Variants in MAP7 observed in about 807,000 individuals in gnomAD.
MAP7 encodes microtubule associated protein 7, also known as ensconsin.
MAP7 carries 52 observed loss-of-function variants against 94.8 expected under a neutral mutation model. The ratio of observed to expected loss-of-function variants is 0.55; its 90% CI spans 0.44 to 0.69. The LOEUF is 0.69. Ranked by LOEUF, MAP7 falls within the 30% of genes least tolerant of loss-of-function variation. MAP7 has a pLI of 0.00. For missense variants in MAP7, 940 were observed against 964.6 expected, an observed-to-expected ratio of 0.97 and a Z score of 0.34; for synonymous variants, 350 against 357.0, an observed-to-expected ratio of 0.98 and a Z score of 0.22.
chr6:136,447,339 C>T (rs1304383536), intron 1 of MAP7, among the ~76,000 whole-genome samples: 1 of 152,238 alleles, frequency 6.6e-6, no homozygotes, highest in Admixed American at 6.5e-5. Flanking sequence ...TCATTTGTAA[C>T]TGCAGTTTGA....
At chr6:136,406,708 C>T (rs1436238458) in intron 3 of MAP7, among the ~76,000 whole-genome samples, 2 of 152,164 alleles carry the variant, frequency 1.3e-5, no homozygotes, top group Admixed American at 1.3e-4. Context: ...GTAATCCCAG[C>T]TACTCGGGAG....
At chr6:136,481,241 C>T (rs375434182) in intron 1 of MAP7, among the ~76,000 whole-genome samples, 6 of 152,136 alleles carry the variant, frequency 3.9e-5, no homozygotes, top group Admixed American at 2.0e-4. Flanking sequence ...AATAGAACTA[C>T]CATATGATCC....
intron 1 of MAP7, among the ~76,000 whole-genome samples, chr6:136,442,928 A>G (rs556081107): frequency 6.6e-6 from 1 of 152,324 alleles, no homozygotes; most frequent in Admixed American, 6.5e-5. Flanking sequence ...CCTTCTTAGG[A>G]TAATATTTTT....
chr6:136,409,026 T>C (rs1486201265), intron 3 of MAP7, among the ~76,000 whole-genome samples: 1 of 152,006 alleles, frequency 6.6e-6, no homozygotes, highest in Non-Finnish European at 1.5e-5. Flanking sequence ...TCTCAAGACT[T>C]AGTTCTAACT....
rs942981153 is a variant in MAP7, at chr6:136,346,171, A to C, written c.2016-92T>G. 20 of 702,374 alleles carry C rather than the reference A, an allele frequency of 2.8e-5. No individual in the cohort carries two copies. The Admixed American group carries it at 5.8e-4, about 20-fold the overall frequency. 43.5% of individuals were successfully genotyped at this position (702,374 alleles called of 1,614,324 possible). On this transcript the variant is annotated intron_variant, in intron 16 of 17. Coordinates refer to ENST00000354570, the MANE Select transcript of MAP7 (RefSeq NM_003980.6). ...AAACCAAAATGTTTTATAATGAATA[A>C]TTTTATAAATCTACAATTAAAAAAA... is the stretch of plus-strand genomic sequence containing the variant.
chr6:136,432,562 C>A (rs990461006), intron 1 of MAP7, among the ~76,000 whole-genome samples: 4 of 152,176 alleles, frequency 2.6e-5, no homozygotes, highest in Non-Finnish European at 4.4e-5. Context: ...CCCGATCAAA[C>A]CCACTAACCT....
intron 15 of MAP7, among the ~76,000 whole-genome samples, chr6:136,357,249 A>G (rs372849915): frequency 3.9e-5 from 6 of 152,356 alleles, no homozygotes; most frequent in Admixed American, 2.0e-4. Context: ...TCCTATGCAC[A>G]CTTAGAACAA....
chr6:136,458,940 A>C (rs1379518224), intron 1 of MAP7, among the ~76,000 whole-genome samples: 1 of 152,116 alleles, frequency 6.6e-6, no homozygotes, highest in Non-Finnish European at 1.5e-5. Context: ...ACAGCAAAGA[A>C]ATCAACAGAG....
intron 3 of MAP7, among the ~76,000 whole-genome samples, chr6:136,409,709 C>A (rs1786814215): frequency 6.6e-6 from 1 of 152,202 alleles, no homozygotes; most frequent in South Asian, 2.1e-4. Context: ...TGGCGCATAC[C>A]CACTCACAGT....
intron 11 of MAP7, among the ~76,000 whole-genome samples, chr6:136,361,574 C>G (rs1792786493): frequency 6.6e-6 from 1 of 152,208 alleles, no homozygotes. Context: ...TGTCACAGGA[C>G]AGGAGGAAGA....
intron 16 of MAP7, among the ~76,000 whole-genome samples, chr6:136,352,087 AT>A (rs1379328315): frequency 6.6e-6 from 1 of 152,110 alleles, no homozygotes; most frequent in Non-Finnish European, 1.5e-5. Flanking sequence ...AAACAGTTAT[AT>A]CCTCTCTAAC....
intron 2 of MAP7, among the ~76,000 whole-genome samples, chr6:136,418,579 A>G (rs901739306): frequency 2.0e-5 from 3 of 152,224 alleles, no homozygotes; most frequent in Non-Finnish European, 4.4e-5. Flanking sequence ...TTCTACATCA[A>G]AGAGATGTTC....
chr6:136,412,871 C>T (rs928229751), intron 2 of MAP7, among the ~76,000 whole-genome samples: 3 of 152,164 alleles, frequency 2.0e-5, no homozygotes, highest in South Asian at 2.1e-4. Flanking sequence ...GTAGAATTGA[C>T]GTTGACAGGC....
At chr6:136,549,408 G>A (rs577013782) in intron 1 of MAP7, among the ~76,000 whole-genome samples, 60 of 152,256 alleles carry the variant, frequency 3.9e-4, no homozygotes, top group African/African-American at 1.4e-3. Context: ...GGAGAGGGAC[G>A]GATTTGCAAG....
intron 3 of MAP7, among the ~76,000 whole-genome samples, chr6:136,399,288 C>G (rs773123204): frequency 3.9e-5 from 6 of 152,142 alleles, no homozygotes; most frequent in Non-Finnish European, 5.9e-5. Flanking sequence ...ACTCCCATGA[C>G]TTGATTTTTT....
intron 16 of MAP7, among the ~76,000 whole-genome samples, chr6:136,355,649 CAA>C (rs1790712415): frequency 6.6e-6 from 1 of 152,232 alleles, no homozygotes; most frequent in East Asian, 1.9e-4. Flanking sequence ...AGCCGAGAAA[CAA>C]TTATGTGTTT....
intron 1 of MAP7, among the ~76,000 whole-genome samples, chr6:136,516,648 G>C (rs78069259): frequency 1.5e-3 from 221 of 152,272 alleles, no homozygotes; most frequent in African/African-American, 5.1e-3. Context: ...ATTTAATTTG[G>C]TGCTTTCTCC....
chr6:136,360,139 A>G, intron 13 of MAP7, 108 bp from the exon 14 acceptor site: 1 of 937,476 alleles, frequency 1.1e-6, no homozygotes, highest in Non-Finnish European at 1.7e-6. Context: ...TATTTTGGAA[A>G]AATACAATAT....
intron 1 of MAP7, among the ~76,000 whole-genome samples, chr6:136,464,288 T>C (rs1294100436): frequency 2.6e-5 from 4 of 152,226 alleles, no homozygotes; most frequent in Admixed American, 6.5e-5. Flanking sequence ...GTCTATCAAC[T>C]ACAGGAGTTA....
Sources: gnomAD v4.1 joint callset for allele counts (sites outside exome capture counted in the v4.1 genomes callset) on GRCh38, gnomAD v4.1.1 for gene constraint, MANE v1.5 for transcripts, NCBI Gene and HGNC (gene_info 2026-07-23, HGNC 2026-07-21) for gene names.